AVEN: variants seen among roughly 807,000 people sequenced by gnomAD.
AVEN encodes the protein cell death regulator Aven.
Under a neutral mutation model 38.1 loss-of-function variants are expected in AVEN, and 41 were observed. That is an observed-to-expected ratio of 1.08 (90% CI 0.84 to 1.40). The LOEUF is 1.40. Among genes scored for constraint, AVEN ranks in the 40% most tolerant of loss-of-function variants. The pLI, the probability that AVEN is intolerant of heterozygous loss-of-function variation, is 0.00. For missense variants in AVEN, 605 were observed against 438.8 expected (o/e 1.38, Z -3.38); for synonymous variants, 206 against 171.8 (o/e 1.20, Z -1.56).
chr15:33,867,680 C>A lies in AVEN; in HGVS notation c.788G>T (p.Gly263Val). The change falls in exon 5 of 6, where the codon GGT becomes GTT. Residue 263 changes from glycine (G) to valine (V), a missense_variant. Coordinates refer to ENST00000306730, the MANE Select transcript of AVEN (RefSeq NM_020371.3). ...VLLGKDNPSPGPSRDSQKPTS... is the reference protein window; with the variant it reads ...VLLGKDNPSPVPSRDSQKPTS... ...GGGTTTCTGAGAATCCCTTGAAGGACCCGGGCTTGGGTTGTCTTTGCCCAG... is the reference window on the plus strand; with the variant it reads ...GGGTTTCTGAGAATCCCTTGAAGGAACCGGGCTTGGGTTGTCTTTGCCCAG... The A allele has an allele frequency of 1.2e-6, 2 of 1,614,122 alleles. No homozygotes were observed. Among genetic ancestry groups the A allele is most frequent in the Non-Finnish European group, 1.7e-6 (2 of 1,180,010 alleles).
At chr15:33,915,432 A>C (rs1038961725) in intron 2 of AVEN, among the ~76,000 whole-genome samples, 1 of 152,162 alleles carries the variant, frequency 6.6e-6, no homozygotes, top group Non-Finnish European at 1.5e-5. Context: ...ATCACAAGAG[A>C]AGAATATGAC....
rs144327917 is a variant in AVEN at position 33,953,240 on chromosome 15, C to T, written c.445+49792G>A. Among the ~76,000 whole-genome samples the T allele has an allele frequency of 8.6e-3, 1,306 of 152,038 alleles. 16 individuals are homozygous for T. Among genetic ancestry groups the T allele is most frequent in the African/African-American group, 0.029 (1,221 of 41,450 alleles). ...GGTAATCTATAGATTCAATGCCATCCCCATCAAGCTACCAATGACTTTCTT... is the reference window on the plus strand; with the variant it reads ...GGTAATCTATAGATTCAATGCCATCTCCATCAAGCTACCAATGACTTTCTT... On this transcript the variant is annotated intron_variant, in intron 2 of 5. Transcript: ENST00000306730.
At chr15:33,860,553 A>T in intron 11 of AVEN, 1 of 1,237,612 alleles carries the variant, frequency 8.1e-7, no homozygotes, top group Non-Finnish European at 1.1e-6. Context: ...CTACCCCTGA[A>T]CCACTACACA....
At chr15:34,020,565 C>G (rs1019788497) in intron 1 of AVEN, among the ~76,000 whole-genome samples, 1 of 152,202 alleles carries the variant, frequency 6.6e-6, no homozygotes, top group Non-Finnish European at 1.5e-5. Flanking sequence ...CACACCACCT[C>G]ACAATTCTGA....
At chr15:33,986,161 C>T (rs1259844380) in intron 2 of AVEN, among the ~76,000 whole-genome samples, 3 of 151,654 alleles carry the variant, frequency 2.0e-5, no homozygotes, top group Non-Finnish European at 2.9e-5. Context: ...GGCTGGAGTG[C>T]AGTGGCGCCA....
chr15:33,923,270 G>A (rs977644272), intron 2 of AVEN, among the ~76,000 whole-genome samples: 1 of 152,126 alleles, frequency 6.6e-6, no homozygotes, highest in Admixed American at 6.6e-5. Flanking sequence ...ACAAAAAGGA[G>A]TAATTGTGTA....
intron 5 of AVEN, among the ~76,000 whole-genome samples, chr15:34,047,026 CACAA>C (rs1400620583): frequency 2.0e-5 from 3 of 151,952 alleles, no homozygotes; most frequent in Non-Finnish European, 4.4e-5. Context: ...GCCGCTCAGG[CACAA>C]ACAGAGACCT....
intron 5 of AVEN, among the ~76,000 whole-genome samples, chr15:34,055,688 C>T (rs1900115589): frequency 6.6e-6 from 1 of 151,832 alleles, no homozygotes; most frequent in South Asian, 2.1e-4. Flanking sequence ...GTAGCCCCAG[C>T]TACTCAGGAG....
downstream of AVEN, chr15:33,864,850 T>G (rs1373335620): frequency 8.3e-6 from 3 of 361,130 alleles, no homozygotes; most frequent in East Asian, 1.4e-4. Context: ...TATTGCTAAA[T>G]CTTTAAGTAT....
Position 33,866,733 on chromosome 15 carries a change from G to C in AVEN, c.974-5C>G. ...TCACAGATGGTTTTGCACAAACTGG[G>C]GGAAAAAAAACAATGTTAACACCCT... On this transcript the variant is annotated splice_region_variant and splice_polypyrimidine_tract_variant and intron_variant, in intron 5 of 5. Transcript: ENST00000306730. The C allele has an allele frequency of 3.7e-6, 6 of 1,602,454 alleles. No homozygotes were observed. Among genetic ancestry groups the C allele is most frequent in the Non-Finnish European group, 5.1e-6 (6 of 1,171,514 alleles).
chr15:34,006,107 C>G (rs774005726), intron 1 of AVEN, among the ~76,000 whole-genome samples: 1 of 152,124 alleles, frequency 6.6e-6, no homozygotes, highest in African/African-American at 2.4e-5. Flanking sequence ...GTGAGGAGAT[C>G]GAGACCATCC....
chr15:34,014,381 A>AAC (rs1897780183), intron 1 of AVEN, among the ~76,000 whole-genome samples: 1 of 116,952 alleles, frequency 8.6e-6, no homozygotes, highest in Non-Finnish European at 1.8e-5. Flanking sequence ...AAAAAAAAAA[A>AAC]AAACAAAAAC....
downstream of AVEN, chr15:33,854,512 A>T (rs2079438835): frequency 4.4e-6 from 6 of 1,370,614 alleles, no homozygotes; most frequent in Non-Finnish European, 6.0e-6. Context: ...ACAGAGAAGC[A>T]AGCTATGCAG....
chr15:33,861,415 C>T (rs949322850), downstream of AVEN, among the ~76,000 whole-genome samples: 30 of 151,938 alleles, frequency 2.0e-4, no homozygotes, highest in Middle Eastern at 3.2e-3. Flanking sequence ...GGATTCCATC[C>T]GGGACACATA....
intron 1 of AVEN, among the ~76,000 whole-genome samples, chr15:34,027,375 A>G (rs1425572458): frequency 6.6e-6 from 1 of 151,954 alleles, no homozygotes; most frequent in Admixed American, 6.6e-5. Context: ...AATAAAAATA[A>G]AAAAACAGCC....
intron 2 of AVEN, among the ~76,000 whole-genome samples, chr15:33,929,028 G>A (rs973622113): frequency 1.8e-4 from 27 of 152,120 alleles, no homozygotes; most frequent in African/African-American, 6.5e-4. Flanking sequence ...TGACAGTCAT[G>A]TGGAACAGAA....
chr15:33,931,011 A>G (rs986447387), intron 2 of AVEN, among the ~76,000 whole-genome samples: 1 of 151,724 alleles, frequency 6.6e-6, no homozygotes, highest in Non-Finnish European at 1.5e-5. Flanking sequence ...GCAGGGTAAC[A>G]ATGATTTCAT....
At position 33,969,637 on chromosome 15, in the gene AVEN, T is replaced by C. The variant is rs141554285; in HGVS notation, c.445+33395A>G. 2.9e-3 allele frequency among the ~76,000 whole-genome samples: 440 copies of C among 152,208 alleles called. 1 individual carries two copies. Among genetic ancestry groups the C allele is most frequent in the African/African-American group, 9.7e-3 (405 of 41,580 alleles). ...AAGAAAAAAAAGCTGTGATGTCATTTCATTCATACTAAAGAAAAATAATCT... is the reference window on the plus strand; with the variant it reads ...AAGAAAAAAAAGCTGTGATGTCATTCCATTCATACTAAAGAAAAATAATCT... On this transcript the variant is annotated intron_variant, in intron 2 of 5. Coordinates refer to ENST00000306730, the MANE Select transcript of AVEN (RefSeq NM_020371.3).
At chr15:33,857,645 C>T (rs185483554), downstream of AVEN, 42 of 1,059,780 alleles carry the variant, frequency 4.0e-5, no homozygotes, top group East Asian at 3.6e-4. Context: ...CTTTCTTAGC[C>T]GCCCTCCACC....
Sources: gnomAD v4.1 joint callset for allele counts (sites outside exome capture counted in the v4.1 genomes callset) on GRCh38, gnomAD v4.1.1 for gene constraint, MANE v1.5 for transcripts, NCBI Gene and HGNC (gene_info 2026-07-23, HGNC 2026-07-21) for gene names.